The following TACR3 variants were observed in gnomAD, a reference collection of about 807,000 sequenced individuals.
TACR3 encodes the protein neuromedin-K receptor.
In TACR3, 34 loss-of-function variants were observed where a neutral mutation model predicts 35.0. The observed-to-expected ratio is 0.97, with a 90% CI of 0.74 to 1.30. The LOEUF (loss-of-function observed/expected upper bound fraction) is 1.30. TACR3 is among the 50% of genes most tolerant of loss of function. The pLI is 0.00. For synonymous variants in TACR3, 233 were observed against 221.1 expected (o/e 1.05, Z -0.48); for missense variants, 558 against 591.7 (o/e 0.94, Z 0.59).
At chr4:103,673,742 C>T (rs888323800) in intron 1 of TACR3, among the ~76,000 whole-genome samples, 1 of 152,088 alleles carries the variant, frequency 6.6e-6, no homozygotes, top group East Asian at 1.9e-4. Flanking sequence ...GTAAAAAGCA[C>T]AATATCTGCA....
intron 3 of TACR3, among the ~76,000 whole-genome samples, chr4:103,633,748 A>G (rs929223713): frequency 6.6e-6 from 1 of 152,042 alleles, no homozygotes; most frequent in Non-Finnish European, 1.5e-5. Flanking sequence ...GCTAATTTCT[A>G]TTTTCAGTTG....
chr4:103,600,587 G>C (rs1724171379), intron 3 of TACR3, among the ~76,000 whole-genome samples: 3 of 152,232 alleles, frequency 2.0e-5, no homozygotes, highest in African/African-American at 7.2e-5. Flanking sequence ...GCTTTCTCTT[G>C]TGGGCATTTA....
At chr4:103,590,043 T>G (rs201712476) in intron 4 of TACR3, 49 bp from the exon 5 acceptor site, 6 of 1,573,358 alleles carry the variant, frequency 3.8e-6, no homozygotes, top group Non-Finnish European at 5.2e-6. Flanking sequence ...TTCAAGCAGA[T>G]ATGTCTTTCA....
intron 3 of TACR3, among the ~76,000 whole-genome samples, chr4:103,593,658 C>A (rs1723942248): frequency 6.6e-6 from 1 of 152,102 alleles, no homozygotes; most frequent in African/African-American, 2.4e-5. Flanking sequence ...TCCCTGGCTC[C>A]TCCCTCTACC....
intron 1 of TACR3, among the ~76,000 whole-genome samples, chr4:103,683,629 CAAA>C (rs1162674842): frequency 6.6e-6 from 1 of 151,774 alleles, no homozygotes; most frequent in Non-Finnish European, 1.5e-5. Flanking sequence ...TTAATATGTG[CAAA>C]CTACAAAACT....
intron 1 of TACR3, among the ~76,000 whole-genome samples, chr4:103,716,788 A>G (rs1433735422): frequency 6.6e-6 from 1 of 152,196 alleles, no homozygotes; most frequent in Non-Finnish European, 1.5e-5. Flanking sequence ...AGGTTGATAT[A>G]ATTCAGTTTA....
chr4:103,713,877 G>A (rs541720594), intron 1 of TACR3, among the ~76,000 whole-genome samples: 6 of 152,222 alleles, frequency 3.9e-5, no homozygotes, highest in Admixed American at 2.0e-4. Flanking sequence ...GTTGGAAGCC[G>A]AGAGGTGAGA....
intron 1 of TACR3, among the ~76,000 whole-genome samples, chr4:103,712,439 G>T (rs1722990146): frequency 6.6e-6 from 1 of 152,156 alleles, no homozygotes; most frequent in Non-Finnish European, 1.5e-5. Context: ...AGCTGAAACT[G>T]GATCCCTTCC....
chr4:103,614,215 A>G (rs1039495694), intron 3 of TACR3, among the ~76,000 whole-genome samples: 1 of 152,214 alleles, frequency 6.6e-6, no homozygotes, highest in African/African-American at 2.4e-5. Context: ...TAAAACAAAT[A>G]TCAAGAACAA....
intron 3 of TACR3, among the ~76,000 whole-genome samples, chr4:103,638,571 A>G (rs1725255139): frequency 1.3e-5 from 2 of 152,176 alleles, no homozygotes; most frequent in African/African-American, 4.8e-5. Context: ...AATGGCAACA[A>G]AACCCAAAAT....
chr4:103,686,279 C>G (rs1722236453), intron 1 of TACR3, among the ~76,000 whole-genome samples: 1 of 152,130 alleles, frequency 6.6e-6, no homozygotes, highest in Non-Finnish European at 1.5e-5. Flanking sequence ...ATAAGCATTC[C>G]CATGACACAG....
At position 103,704,407 on chromosome 4, in the gene TACR3, A is replaced by G. The variant is rs192259918; in HGVS notation, c.548+14721T>C. Reference sequence around the variant, plus strand: ...TGTTAGTTTGTTTTCACAAGGCTATAAAGATACTACCCAAGACTGGGTAAT... The same window carrying G: ...TGTTAGTTTGTTTTCACAAGGCTATGAAGATACTACCCAAGACTGGGTAAT... On this transcript the variant is annotated intron_variant, in intron 1 of 4. Transcript: ENST00000304883. Among the ~76,000 whole-genome samples the G allele has an allele frequency of 9.1e-3, 1,390 of 152,280 alleles. 7 individuals carry two copies. Among genetic ancestry groups the G allele is most frequent in the Non-Finnish European group, 0.015 (995 of 68,020 alleles).
intron 1 of TACR3, among the ~76,000 whole-genome samples, chr4:103,674,647 G>A (rs1163002587): frequency 2.0e-5 from 3 of 152,272 alleles, no homozygotes; most frequent in Non-Finnish European, 2.9e-5. Context: ...TGCCTCCCGA[G>A]TTCATGCCAT....
intron 1 of TACR3, among the ~76,000 whole-genome samples, chr4:103,715,464 G>T (rs1235455440): frequency 2.0e-5 from 3 of 152,112 alleles, no homozygotes; most frequent in Non-Finnish European, 4.4e-5. Flanking sequence ...AGAAGCAGAA[G>T]CCATTATGCT....
intron 1 of TACR3, among the ~76,000 whole-genome samples, chr4:103,716,546 T>C (rs751272205): frequency 1.3e-5 from 2 of 152,144 alleles, no homozygotes; most frequent in Non-Finnish European, 2.9e-5. Flanking sequence ...CAATGCCTTT[T>C]ATTATAACAA....
At chr4:103,641,924 G>A (rs1341760611) in intron 3 of TACR3, among the ~76,000 whole-genome samples, 1 of 151,730 alleles carries the variant, frequency 6.6e-6, no homozygotes, top group Non-Finnish European at 1.5e-5. Flanking sequence ...TCTAAAAAAT[G>A]TCAAACTAAT....
chr4:103,710,204 ATTC>A (rs1178228173), intron 1 of TACR3, among the ~76,000 whole-genome samples: 2 of 152,204 alleles, frequency 1.3e-5, no homozygotes, highest in Non-Finnish European at 2.9e-5. Flanking sequence ...CAGAATATAC[ATTC>A]TTCTCAGCAC....
chr4:103,626,354 C>T (rs1055343425), intron 3 of TACR3, among the ~76,000 whole-genome samples: 5 of 152,180 alleles, frequency 3.3e-5, no homozygotes, highest in Admixed American at 2.6e-4. Flanking sequence ...TGGATCTTAG[C>T]TGTCAACCAA....
chr4:103,626,215 A>G (rs1724887381), intron 3 of TACR3, among the ~76,000 whole-genome samples: 1 of 152,186 alleles, frequency 6.6e-6, no homozygotes, highest in African/African-American at 2.4e-5. Flanking sequence ...TATTCAACCT[A>G]GGTAGATCCA....
Sources: gnomAD v4.1 joint callset for allele counts (sites outside exome capture counted in the v4.1 genomes callset) on GRCh38, gnomAD v4.1.1 for gene constraint, MANE v1.5 for transcripts, NCBI Gene and HGNC (gene_info 2026-07-23, HGNC 2026-07-21) for gene names.